The following POMT2 variants were observed in gnomAD, a reference collection of about 807,000 sequenced individuals.
The protein encoded by POMT2 is protein O-mannosyltransferase 2.
Under a neutral mutation model 100.0 loss-of-function variants are expected in POMT2, and 75 were observed. The ratio of observed to expected loss-of-function variants is 0.75; its 90% CI spans 0.62 to 0.91. POMT2 has a LOEUF of 0.91. Among genes scored for constraint, POMT2 ranks in the 40% least tolerant of loss-of-function variants. POMT2 has a pLI of 0.00. For synonymous variants in POMT2, 378 were observed against 374.1 expected, an observed-to-expected ratio of 1.01 and a Z score of -0.12; for missense variants, 940 against 955.1, an observed-to-expected ratio of 0.98 and a Z score of 0.21.
At chr14:77,285,153 C>T (rs1325302926) in intron 13 of POMT2, 112 bp from the exon 14 acceptor site, 2 of 960,416 alleles carry the variant, frequency 2.1e-6, no homozygotes, top group Non-Finnish European at 3.2e-6. Context: ...CACATGGTGG[C>T]CATTATTTCT....
intron 9 of POMT2, among the ~76,000 whole-genome samples, chr14:77,295,338 A>G (rs1263990350): frequency 6.6e-6 from 1 of 152,190 alleles, no homozygotes; most frequent in Non-Finnish European, 1.5e-5. Flanking sequence ...CCCAACTTAA[A>G]GAGGAGGATA....
In POMT2 at chr14:77,304,765, A is replaced by C. The variant is rs1418710732; in HGVS notation, c.474T>G (p.Phe158Leu). 1 of 1,599,966 alleles carries C rather than the reference A, an allele frequency of 6.3e-7. No homozygotes were observed. Among genetic ancestry groups the C allele is most frequent in the Non-Finnish European group, 8.5e-7 (1 of 1,174,064 alleles). The stretch of plus-strand genomic sequence containing the variant: ...ACAGATCCAGTACAGTGAGGTAGGC[A>C]AAGGGGACCAGCCAGGAGCCAAGGA... ...CAFLGSWLVP[F>L]AYLTVLDLSK... The change falls in exon 4 of 21, where the codon TTT becomes TTG. Residue 158 changes from phenylalanine to leucine, a missense_variant. Phe to Leu is a conservative substitution (Grantham distance 22). Coordinates refer to ENST00000261534, the MANE Select transcript of POMT2 (RefSeq NM_013382.7).
chr14:77,306,968 CT>C (rs1159046146), intron 2 of POMT2: 1 of 169,748 alleles, frequency 5.9e-6, no homozygotes, highest in Non-Finnish European at 1.3e-5. Context: ...AAGAGAAAAA[CT>C]GCCAAAGGCC....
At chr14:77,279,532 C>T (rs569660042) in intron 18 of POMT2, 2 of 560,494 alleles carry the variant, frequency 3.6e-6, no homozygotes, top group African/African-American at 1.9e-5. Flanking sequence ...AGCTCTATCA[C>T]TTACTAGCTG....
Position 77,280,412 on chromosome 14 carries a change from G to A in POMT2, c.1705C>T (p.His569Tyr). ...CCTACCTGATAGTTGATAGGCCAGT[G>A]CCAGGGTTTGGACGTGAACTCATTG... ...KDNEFTSKPWHWPINYQGLRF... is the reference protein window; with the variant it reads ...KDNEFTSKPWYWPINYQGLRF... The change falls in exon 16 of 21, where the codon CAC becomes TAC. Residue 569 changes from histidine to tyrosine, a missense_variant. By Grantham distance (83) the His-to-Tyr change is moderately conservative. Transcript: ENST00000261534. 1 of 1,614,152 alleles carries A rather than the reference G, an allele frequency of 6.2e-7. No homozygotes were observed. The highest frequency in any genetic ancestry group is 2.2e-5 in the East Asian group (1 of 44,872).
In POMT2 at chr14:77,296,277, G is replaced by C; in HGVS notation, c.1007-4C>G. Reference sequence around the variant, plus strand: ...ATCACAGAGCCGTAGGCCAGGTCTGGGAGGAAGGGAGACAGCAGAGGGGTG... The same window carrying C: ...ATCACAGAGCCGTAGGCCAGGTCTGCGAGGAAGGGAGACAGCAGAGGGGTG... On this transcript the variant is annotated splice_polypyrimidine_tract_variant and splice_region_variant and intron_variant, in intron 8 of 20. Transcript: ENST00000261534. The C allele has an allele frequency of 1.3e-6, 2 of 1,588,410 alleles. No individual in the cohort carries two copies. Among genetic ancestry groups the C allele is most frequent in the Non-Finnish European group, 1.7e-6 (2 of 1,166,290 alleles).
chr14:77,277,311 G>A lies in POMT2; in HGVS notation c.*65C>T. ...AGCTTCCTCATGGCCGGATGGTCCA[G>A]TACTGCTTCCCAGCTGGCTCTCCTG... is the stretch of plus-strand genomic sequence containing the variant. On this transcript the variant is annotated 3_prime_UTR_variant, in exon 21 of 21. Coordinates refer to ENST00000261534, the MANE Select transcript of POMT2 (RefSeq NM_013382.7). The A allele has an allele frequency of 1.4e-6, 2 of 1,398,018 alleles. No individual in the cohort carries two copies. The highest frequency in any genetic ancestry group is 2.0e-6 in the Non-Finnish European group (2 of 987,802). The allele number at this position is 1,398,018 out of a possible 1,614,324, so 86.6% of individuals were successfully genotyped here. A position where few individuals can be genotyped will look rare whatever the true frequency, so the allele number is the denominator to read the frequency against.
intron 11 of POMT2, chr14:77,287,111 A>T (rs920309506): frequency 4.7e-6 from 2 of 428,940 alleles, no homozygotes; most frequent in Non-Finnish European, 8.5e-6. Flanking sequence ...GGCGACTTTC[A>T]CACATTTAGT....
intron 4 of POMT2, among the ~76,000 whole-genome samples, 188 bp from the exon 5 acceptor site, chr14:77,303,131 G>A (rs1470995672): frequency 3.3e-5 from 5 of 152,140 alleles, no homozygotes; most frequent in Non-Finnish European, 7.3e-5. Context: ...AGACATCAAA[G>A]CCCAATGACA....
At chr14:77,294,735 C>T (rs1337787583) in intron 9 of POMT2, among the ~76,000 whole-genome samples, 3 of 152,224 alleles carry the variant, frequency 2.0e-5, no homozygotes, top group Non-Finnish European at 2.9e-5. Flanking sequence ...CCTCCCCAGC[C>T]ATGTGGAACT....
chr14:77,284,574 T>C (rs577536470), intron 14 of POMT2, among the ~76,000 whole-genome samples: 1 of 151,720 alleles, frequency 6.6e-6, no homozygotes, highest in East Asian at 1.9e-4. Flanking sequence ...TATAAAAGCA[T>C]TGGCTGGATA....
At chr14:77,295,501 G>A (rs907628298) in intron 9 of POMT2, among the ~76,000 whole-genome samples, 7 of 152,022 alleles carry the variant, frequency 4.6e-5, no homozygotes, top group East Asian at 1.9e-4. Flanking sequence ...GCGTGGTGGC[G>A]GGTGCCTGTA....
At chr14:77,291,557 T>G (rs1890643322) in intron 9 of POMT2, 177 bp from the exon 10 acceptor site, 1 of 760,900 alleles carries the variant, frequency 1.3e-6, no homozygotes, top group East Asian at 2.7e-5. Flanking sequence ...GTAGCACTGG[T>G]GAGTGAGATT....
intron 15 of POMT2, among the ~76,000 whole-genome samples, chr14:77,283,108 A>G (rs1184851483): frequency 6.6e-6 from 1 of 152,250 alleles, no homozygotes; most frequent in Non-Finnish European, 1.5e-5. Flanking sequence ...TAGAGAGTGC[A>G]AACAATGTCT....
intron 8 of POMT2, among the ~76,000 whole-genome samples, chr14:77,297,169 C>T (rs886282038): frequency 2.0e-5 from 3 of 152,204 alleles, no homozygotes; most frequent in Non-Finnish European, 4.4e-5. Context: ...TGCTAAACTC[C>T]ACAGCTGTGT....
chr14:77,313,339 T>C (rs1000374576), intron 1 of POMT2, among the ~76,000 whole-genome samples: 74 of 152,242 alleles, frequency 4.9e-4, no homozygotes, highest in African/African-American at 1.6e-3. Context: ...AGTGAGGACA[T>C]TGGCATGGTG....
intron 18 of POMT2, chr14:77,279,410 T>A: frequency 2.5e-6 from 1 of 403,320 alleles, no homozygotes; most frequent in Non-Finnish European, 4.8e-6. Context: ...CTCTAGCCCA[T>A]GAGAGGACAG....
intron 1 of POMT2, among the ~76,000 whole-genome samples, chr14:77,315,990 G>C (rs552301200): frequency 6.6e-6 from 1 of 152,292 alleles, no homozygotes; most frequent in South Asian, 2.1e-4. Context: ...CAGCCTGGGC[G>C]ACAGAGCGAG....
intron 15 of POMT2, among the ~76,000 whole-genome samples, chr14:77,282,324 G>C (rs933382510): frequency 2.6e-5 from 4 of 152,144 alleles, no homozygotes; most frequent in African/African-American, 9.7e-5. Context: ...AAATCTGGAT[G>C]GGCTCATTCC....
Sources: allele counts gnomAD v4.1 joint callset (sites outside exome capture counted in the v4.1 genomes callset), GRCh38; gene constraint gnomAD v4.1.1; transcripts MANE v1.5; gene names NCBI Gene and HGNC (gene_info 2026-07-23, HGNC 2026-07-21).